RBM27: variants seen among roughly 807,000 people sequenced by gnomAD.
The protein encoded by RBM27 is RNA binding motif protein 27.
RBM27 carries 22 observed loss-of-function variants against 135.3 expected under a neutral mutation model. The observed-to-expected ratio is 0.16, with a 90% CI of 0.12 to 0.23. RBM27 has a LOEUF of 0.23. Ranked by LOEUF, RBM27 falls within the 10% of genes least tolerant of loss-of-function variation. The pLI is 1.00. For synonymous variants in RBM27, 481 were observed against 442.4 expected (o/e 1.09, Z -1.10); for missense variants, 1,009 against 1,281.0 (o/e 0.79, Z 3.24).
At chr5:146,225,443 GT>G (rs1377158516) in intron 3 of RBM27, among the ~76,000 whole-genome samples, 4 of 151,978 alleles carry the variant, frequency 2.6e-5, no homozygotes, top group African/African-American at 9.7e-5. Context: ...ACTGCTGTCT[GT>G]TTTTTCTTTT....
At chr5:146,281,017 C>T (rs536166132) in intron 19 of RBM27, among the ~76,000 whole-genome samples, 16 of 152,128 alleles carry the variant, frequency 1.1e-4, no homozygotes, top group African/African-American at 3.1e-4. Context: ...ACCACCACAC[C>T]CAACTAATTT....
At chr5:146,284,376 A>G (rs1261406785) in intron 19 of RBM27, among the ~76,000 whole-genome samples, 3 of 152,184 alleles carry the variant, frequency 2.0e-5, no homozygotes, top group East Asian at 3.8e-4. Flanking sequence ...TATTTCTTCA[A>G]CCAAGACAGA....
intron 11 of RBM27, among the ~76,000 whole-genome samples, chr5:146,260,145 A>C (rs576392031): frequency 2.6e-5 from 4 of 152,122 alleles, no homozygotes; most frequent in Admixed American, 2.6e-4. Flanking sequence ...CTAAGCATAC[A>C]AAAATTAGTC....
intron 6 of RBM27, 135 bp downstream of exon 6, chr5:146,231,052 T>C (rs2126752704): frequency 9.1e-7 from 1 of 1,104,086 alleles, no homozygotes; most frequent in Non-Finnish European, 1.3e-6. Flanking sequence ...GACAGAGTCT[T>C]GCTCTGTCAC....
In RBM27 at chr5:146,219,120, T is replaced by G. The variant is rs774652067; in HGVS notation, c.178+17T>G. 2 of 1,485,902 alleles carry G rather than the reference T, an allele frequency of 1.3e-6. No homozygotes were observed. The highest frequency in any genetic ancestry group is 1.9e-6 in the Non-Finnish European group (2 of 1,073,038). 92.0% of individuals were successfully genotyped at this position (1,485,902 alleles called of 1,614,324 possible). A position where few individuals can be genotyped will look rare whatever the true frequency, so the allele number is the denominator to read the frequency against. On this transcript the variant is annotated intron_variant, in intron 2 of 20. Coordinates refer to ENST00000265271, the MANE Select transcript of RBM27 (RefSeq NM_018989.2). ...TACAAAAAGGTAATTATTATGGGCC[T>G]TCAATCGAGTATTGAAGTAAAGATT...
At chr5:146,211,388 A>G (rs1404410750) in intron 1 of RBM27, among the ~76,000 whole-genome samples, 1 of 148,476 alleles carries the variant, frequency 6.7e-6, no homozygotes, top group Non-Finnish European at 1.5e-5. Context: ...GTACCAATAT[A>G]TGTGTATCTT....
chr5:146,264,400 C>T (rs549243611), intron 14 of RBM27, among the ~76,000 whole-genome samples: 2 of 152,106 alleles, frequency 1.3e-5, no homozygotes, highest in South Asian at 4.1e-4. Context: ...TCAGGCTGGT[C>T]TGGAACTCCG....
At chr5:146,247,765 T>A (rs2126808028) in intron 8 of RBM27, among the ~76,000 whole-genome samples, 1 of 152,326 alleles carries the variant, frequency 6.6e-6, no homozygotes, top group South Asian at 2.1e-4. Flanking sequence ...CACAGTACAT[T>A]ATAATGCTCA....
chr5:146,269,293 G>T lies in RBM27; in HGVS notation c.2526+12G>T. The stretch of plus-strand genomic sequence containing the variant: ...TAGAATGCCAAAAGGTAAGACAAGA[G>T]CTCATTATTTGCATGCTAGAATTGA... On this transcript the variant is annotated intron_variant, in intron 16 of 20. Transcript: ENST00000265271. 1.3e-6 allele frequency: 2 copies of T among 1,587,294 alleles called. No homozygotes were observed. The highest frequency in any genetic ancestry group is 1.7e-6 in the Non-Finnish European group (2 of 1,161,624).
chr5:146,226,030 T>A (rs1756660561), intron 3 of RBM27, among the ~76,000 whole-genome samples: 1 of 9,262 alleles, frequency 1.1e-4, no homozygotes, highest in African/African-American at 1.7e-3. Context: ...CCTGCCTAAT[T>A]TTTTTTTTTT....
chr5:146,222,168 G>A (rs1480038610), intron 2 of RBM27, among the ~76,000 whole-genome samples: 3 of 152,198 alleles, frequency 2.0e-5, no homozygotes, highest in Non-Finnish European at 4.4e-5. Flanking sequence ...GTCAATGAGA[G>A]CTAACAGTTT....
At chr5:146,238,149 G>A (rs1359297874) in intron 8 of RBM27, among the ~76,000 whole-genome samples, 1 of 152,166 alleles carries the variant, frequency 6.6e-6, no homozygotes, top group African/African-American at 2.4e-5. Flanking sequence ...TAAAGGTAGA[G>A]CATCATTTAA....
chr5:146,275,165 C>G (rs1759040248), intron 19 of RBM27, among the ~76,000 whole-genome samples: 1 of 151,212 alleles, frequency 6.6e-6, no homozygotes, highest in African/African-American at 2.4e-5. Flanking sequence ...CTTTATATAT[C>G]AAATATTTAA....
intron 11 of RBM27, 68 bp from the exon 12 acceptor site, chr5:146,260,677 T>C (rs1758357157): frequency 7.4e-7 from 1 of 1,347,398 alleles, no homozygotes; most frequent in Non-Finnish European, 1.0e-6. Flanking sequence ...CTAAATTCTT[T>C]GTGGTTATAT....
At chr5:146,266,409 C>A (rs944169116) in intron 14 of RBM27, among the ~76,000 whole-genome samples, 3 of 152,022 alleles carry the variant, frequency 2.0e-5, no homozygotes, top group African/African-American at 7.2e-5. Context: ...TTAATAGATC[C>A]CATTTCAAAT....
intron 5 of RBM27, 36 bp from the exon 6 acceptor site, chr5:146,230,621 T>C: frequency 6.3e-7 from 1 of 1,593,232 alleles, no homozygotes; most frequent in African/African-American, 1.3e-5. Flanking sequence ...ATATCTGATC[T>C]CTTTGTTTTC....
At chr5:146,223,554 T>C in intron 3 of RBM27, 27 bp downstream of exon 3, 1 of 1,590,230 alleles carries the variant, frequency 6.3e-7, no homozygotes, top group South Asian at 1.2e-5. Context: ...CTCCTGCTTT[T>C]GGGGGCTTCT....
intron 6 of RBM27, among the ~76,000 whole-genome samples, chr5:146,231,452 G>A (rs1335804948): frequency 6.6e-6 from 1 of 151,922 alleles, no homozygotes; most frequent in South Asian, 2.1e-4. Context: ...GAGAATCTCT[G>A]TTTGATTTAA....
intron 19 of RBM27, among the ~76,000 whole-genome samples, chr5:146,280,896 C>T (rs2126914570): frequency 6.6e-6 from 1 of 152,182 alleles, no homozygotes; most frequent in South Asian, 2.1e-4. Flanking sequence ...CTCGCTCTGT[C>T]ACTCAGGCTG....
Sources: allele counts gnomAD v4.1 joint callset (sites outside exome capture counted in the v4.1 genomes callset), GRCh38; gene constraint gnomAD v4.1.1; transcripts MANE v1.5; gene names NCBI Gene and HGNC (gene_info 2026-07-23, HGNC 2026-07-21).